SRRM4: variants seen among roughly 807,000 people sequenced by gnomAD.
The protein encoded by SRRM4 is serine/arginine repetitive matrix protein 4.
SRRM4 carries 33 observed loss-of-function variants against 68.9 expected under a neutral mutation model. The observed-to-expected ratio is 0.48, with a 90% confidence interval of 0.36 to 0.64. SRRM4 has a LOEUF of 0.64. Among genes scored for constraint, SRRM4 ranks in the 30% least tolerant of loss-of-function variants. The probability of loss-of-function intolerance (pLI) is 0.00; values close to 1 mark genes in which losing one functional copy is unlikely to be tolerated. For synonymous variants in SRRM4, 318 were observed against 318.8 expected (o/e 1.00, Z 0.03); for missense variants, 817 against 827.1 (o/e 0.99, Z 0.15).
intron 1 of SRRM4, among the ~76,000 whole-genome samples, chr12:118,988,183 T>C (rs1054151561): frequency 1.3e-5 from 2 of 151,874 alleles, no homozygotes; most frequent in Non-Finnish European, 2.9e-5. Flanking sequence ...CCCTTGCTTA[T>C]AGTCACACAG....
At chr12:119,025,129 G>A (rs1953539800) in intron 1 of SRRM4, among the ~76,000 whole-genome samples, 2 of 152,178 alleles carry the variant, frequency 1.3e-5, no homozygotes, top group Admixed American at 1.3e-4. Flanking sequence ...GTGTGTGTGT[G>A]TGTGTATTTG....
At chr12:119,121,593 T>A (rs1199394584) in intron 5 of SRRM4, among the ~76,000 whole-genome samples, 2 of 152,206 alleles carry the variant, frequency 1.3e-5, no homozygotes, top group Admixed American at 6.5e-5. Context: ...GGATCCATGG[T>A]CTCAGATCCA....
At chr12:119,009,364 G>T (rs1169409933) in intron 1 of SRRM4, among the ~76,000 whole-genome samples, 1 of 151,652 alleles carries the variant, frequency 6.6e-6, no homozygotes, top group Non-Finnish European at 1.5e-5. Context: ...AGATGGTAGA[G>T]GTTCACCTCT....
At chr12:119,150,608 G>C (rs928454104) in intron 9 of SRRM4, among the ~76,000 whole-genome samples, 12 of 152,234 alleles carry the variant, frequency 7.9e-5, no homozygotes, top group Non-Finnish European at 1.5e-4. Flanking sequence ...CAAAGTGTTA[G>C]AGAGGTGTTA....
chr12:119,086,087 T>C (rs1287477599), intron 1 of SRRM4, among the ~76,000 whole-genome samples: 1 of 152,008 alleles, frequency 6.6e-6, no homozygotes, highest in Non-Finnish European at 1.5e-5. Context: ...TCCTTTTTGT[T>C]CCCCAAAGCA....
At chr12:119,049,372 G>A (rs1397899805) in intron 1 of SRRM4, among the ~76,000 whole-genome samples, 1 of 152,206 alleles carries the variant, frequency 6.6e-6, no homozygotes, top group African/African-American at 2.4e-5. Flanking sequence ...CAATTTGAGA[G>A]AAGAGGAAAG....
intron 7 of SRRM4, among the ~76,000 whole-genome samples, chr12:119,126,308 G>A (rs937328905): frequency 8.5e-5 from 13 of 152,090 alleles, no homozygotes; most frequent in Non-Finnish European, 1.8e-4. Context: ...ACAGGTGTGA[G>A]CCACCGCCCC....
At chr12:119,029,511 C>G (rs1009477426) in intron 1 of SRRM4, among the ~76,000 whole-genome samples, 2 of 152,216 alleles carry the variant, frequency 1.3e-5, no homozygotes, top group Admixed American at 6.5e-5. Context: ...CATTCAACAA[C>G]CATTCATTAG....
intron 5 of SRRM4, 49 bp downstream of exon 5, chr12:119,120,325 C>T: frequency 6.5e-7 from 1 of 1,547,630 alleles, no homozygotes; most frequent in Non-Finnish European, 8.7e-7. Context: ...GCTTTCTCAG[C>T]CAGCTTGGGG....
In SRRM4 at chr12:119,158,419, C is replaced by G. The variant is rs1052670184; in HGVS notation, c.*1621C>G. 6.6e-6 allele frequency: 1 copy of G among 152,312 alleles called. No individual in the cohort carries two copies. Among genetic ancestry groups the G allele is most frequent in the Admixed American group, 6.5e-5 (1 of 15,268 alleles). 9.4% of individuals were successfully genotyped at this position (152,312 alleles called of 1,614,324 possible). ...CTTGGAAGCAGTGACGTCTCCCTACCCAATCTTTCCCATCCTATCAACCCA... is the reference window on the plus strand; with the variant it reads ...CTTGGAAGCAGTGACGTCTCCCTACGCAATCTTTCCCATCCTATCAACCCA... On this transcript the variant is annotated 3_prime_UTR_variant, in exon 13 of 13. Transcript: ENST00000267260.
chr12:119,143,372 T>C (rs1954378902), intron 8 of SRRM4, among the ~76,000 whole-genome samples: 1 of 152,216 alleles, frequency 6.6e-6, no homozygotes, highest in Non-Finnish European at 1.5e-5. Context: ...CTAACATTTG[T>C]GGGGTCAGAG....
intron 2 of SRRM4, among the ~76,000 whole-genome samples, chr12:119,105,491 G>A (rs1183187955): frequency 6.6e-6 from 1 of 152,150 alleles, no homozygotes; most frequent in Non-Finnish European, 1.5e-5. Flanking sequence ...GTTGTTTCCT[G>A]ACTTCTTAAT....
intron 1 of SRRM4, among the ~76,000 whole-genome samples, chr12:119,084,133 G>T (rs1953966024): frequency 6.6e-6 from 1 of 152,184 alleles, no homozygotes; most frequent in Non-Finnish European, 1.5e-5. Context: ...AGATCACATA[G>T]CAAGTCTGTG....
intron 1 of SRRM4, among the ~76,000 whole-genome samples, chr12:119,089,803 CATT>C (rs1428786674): frequency 2.0e-5 from 3 of 152,170 alleles, no homozygotes; most frequent in African/African-American, 4.8e-5. Context: ...TCATCAGTAA[CATT>C]ATCACCATCA....
chr12:119,144,294 C>T (rs1379545733), intron 8 of SRRM4, among the ~76,000 whole-genome samples: 1 of 152,150 alleles, frequency 6.6e-6, no homozygotes. Context: ...CAAGGGTTTC[C>T]TGCTCCAACT....
Position 119,154,938 on chromosome 12 carries a change from G to C in SRRM4, c.1532+555G>C, listed in dbSNP as rs1457212762. Among the ~76,000 whole-genome samples, 1 of 152,196 alleles carries C rather than the reference G, an allele frequency of 6.6e-6. No homozygotes were observed. The highest frequency in any genetic ancestry group is 1.5e-5 in the Non-Finnish European group (1 of 68,034). On this transcript the variant is annotated intron_variant, in intron 12 of 12. Transcript: ENST00000267260. This position sits in a 1 kb window ranked among gnomAD's most constrained non-coding sequence, Gnocchi z 4.7. ...AGAGGGAGCCACGGTGGATAAGCCG[G>C]AGAGCACTGGATGTGGATTGGAATC...
intron 1 of SRRM4, among the ~76,000 whole-genome samples, chr12:119,078,922 T>G (rs1285490566): frequency 1.3e-5 from 2 of 152,066 alleles, no homozygotes; most frequent in African/African-American, 2.4e-5. Context: ...AGAGCAAGAC[T>G]TGTATCAAAA....
intron 1 of SRRM4, among the ~76,000 whole-genome samples, chr12:119,094,589 G>A (rs7294450): frequency 0.094 from 14,329 of 152,168 alleles, 751 homozygotes; most frequent in Middle Eastern, 0.15. Flanking sequence ...CTTTGTCTTG[G>A]TGCTGGACCT....
intron 3 of SRRM4, among the ~76,000 whole-genome samples, chr12:119,116,599 C>G (rs1453937043): frequency 6.6e-6 from 1 of 152,124 alleles, no homozygotes; most frequent in Non-Finnish European, 1.5e-5. Context: ...GGTCACTTCA[C>G]CTCTCTGAAC....
Sources: allele counts gnomAD v4.1 joint callset (sites outside exome capture counted in the v4.1 genomes callset), GRCh38; gene constraint gnomAD v4.1.1; non-coding constraint Gnocchi (gnomAD v3.1); transcripts MANE v1.5; gene names NCBI Gene and HGNC (gene_info 2026-07-23, HGNC 2026-07-21).